Variants in GRM1 observed in about 807,000 individuals in gnomAD.
GRM1 encodes the protein glutamate metabotropic receptor 1.
In GRM1, 33 loss-of-function variants were observed where a neutral mutation model predicts 90.9. The observed-to-expected ratio is 0.36, with a 90% CI of 0.28 to 0.49. The LOEUF is 0.49. Ranked by LOEUF, GRM1 falls within the 20% of genes least tolerant of loss-of-function variation. GRM1 has a pLI of 0.99. For synonymous variants in GRM1, 700 were observed against 613.2 expected, an observed-to-expected ratio of 1.14 and a Z score of -2.09; for missense variants, 1,190 against 1,534.3, an observed-to-expected ratio of 0.78 and a Z score of 3.75.
chr6:146,367,419 T>C (rs527743524), intron 5 of GRM1, among the ~76,000 whole-genome samples: 54 of 152,266 alleles, frequency 3.5e-4, no homozygotes, highest in African/African-American at 1.3e-3. Flanking sequence ...AGGATTTTTT[T>C]TTCTATTTTT....
Position 146,304,743 on chromosome 6 carries a change from T to G in GRM1, c.1083T>G (p.Thr361=), listed in dbSNP as rs903094221. Residue 361 remains threonine (T), a synonymous_variant, in exon 3 of 8, where the codon ACT becomes ACG. Coordinates refer to ENST00000282753, the MANE Select transcript of GRM1 (RefSeq NM_001278064.2). ...ATTTCCTGAAACTGAGGCTGGACAC[T>G]AACACGAGGAATCCCTGGTTCCCTG... The part of the protein sequence containing the change: ...DDYFLKLRLD[T]NTRNPWFPEF... 4.3e-6 allele frequency: 7 copies of G among 1,613,842 alleles called. No individual in the cohort carries two copies. Among genetic ancestry groups the G allele is most frequent in the Non-Finnish European group, 5.9e-6 (7 of 1,179,934 alleles).
At chr6:146,251,066 T>A (rs981542785) in intron 2 of GRM1, among the ~76,000 whole-genome samples, 1 of 152,220 alleles carries the variant, frequency 6.6e-6, no homozygotes, top group African/African-American at 2.4e-5. Flanking sequence ...ATTTTCAGGC[T>A]TACACATAAG....
At chr6:146,352,571 T>C (rs1189246459) in intron 4 of GRM1, 75 bp downstream of exon 4, 11 of 1,460,158 alleles carry the variant, frequency 7.5e-6, no homozygotes, top group Non-Finnish European at 9.6e-6. Flanking sequence ...TGTGGCTTCA[T>C]CTGGTTCCAT....
chr6:146,136,204 CA>C (rs756416331), intron 1 of GRM1, among the ~76,000 whole-genome samples: 2 of 152,180 alleles, frequency 1.3e-5, no homozygotes, highest in Non-Finnish European at 2.9e-5. Flanking sequence ...GGATTGCTTG[CA>C]AATCTTAGTC....
intron 3 of GRM1, among the ~76,000 whole-genome samples, chr6:146,350,524 T>C (rs1397196839): frequency 1.3e-5 from 2 of 152,098 alleles, no homozygotes; most frequent in Non-Finnish European, 2.9e-5. Context: ...CTTTAATATT[T>C]AGCATTTGGG....
At position 146,219,225 on chromosome 6, in the gene GRM1, A is replaced by C. The variant is rs576204004; in HGVS notation, c.950+59628A>C. On this transcript the variant is annotated intron_variant, in intron 2 of 7. Transcript: ENST00000282753. ...AAAGTAGAGAGCATTTTATTAACTA[A>C]GTTTCTGCCCATGGGAATATTTTAA... Among the ~76,000 whole-genome samples the C allele has an allele frequency of 6.6e-5, 10 of 152,306 alleles. No individual in the cohort carries two copies. The Middle Eastern group carries it at 0.017, about 259-fold the overall frequency.
chr6:146,188,102 C>T (rs1472257605), intron 2 of GRM1, among the ~76,000 whole-genome samples: 1 of 152,094 alleles, frequency 6.6e-6, no homozygotes, highest in African/African-American at 2.4e-5. Flanking sequence ...TTTTCTCTTA[C>T]AGCTACCATA....
At chr6:146,183,379 A>G (rs1778616822) in intron 2 of GRM1, among the ~76,000 whole-genome samples, 1 of 152,172 alleles carries the variant, frequency 6.6e-6, no homozygotes, top group Non-Finnish European at 1.5e-5. Context: ...TAATTCTCCT[A>G]TTATTTAACA....
chr6:146,250,053 C>A (rs1781216584), intron 2 of GRM1, among the ~76,000 whole-genome samples: 1 of 152,186 alleles, frequency 6.6e-6, no homozygotes, highest in African/African-American at 2.4e-5. Flanking sequence ...GGAATGGGAA[C>A]ATTTACCCAA....
rs2114582532 is a variant in GRM1, at chr6:146,399,157, G to A, written c.2118G>A (p.Gln706=). The A allele has an allele frequency of 6.2e-7, 1 of 1,614,100 alleles. No homozygotes were observed. The highest frequency in any genetic ancestry group is 8.5e-7 in the Non-Finnish European group (1 of 1,180,024). ...RKPRFMSAWA[Q]VIIASILISV... is the part of the protein sequence containing the mutation. ...CCAGGTTCATGAGTGCCTGGGCTCA[G>A]GTGATCATTGCCTCAATTCTGATTA... Residue 706 remains glutamine, a synonymous_variant, in exon 7 of 8, where the codon CAG becomes CAA. Transcript: ENST00000282753. This position sits in a 1 kb window ranked among gnomAD's most constrained non-coding sequence, Gnocchi z 5.4.
chr6:146,036,599 T>G (rs1790899773), intron 1 of GRM1, among the ~76,000 whole-genome samples: 1 of 152,004 alleles, frequency 6.6e-6, no homozygotes, highest in Non-Finnish European at 1.5e-5. Flanking sequence ...CTCTTAAACT[T>G]AAGGCATTGT....
chr6:146,166,570 G>T (rs1777912055), intron 2 of GRM1, among the ~76,000 whole-genome samples: 1 of 152,100 alleles, frequency 6.6e-6, no homozygotes, highest in South Asian at 2.1e-4. Flanking sequence ...TTTATTTCCT[G>T]TGTTGGTGTC....
At chr6:146,226,875 A>G (rs1780258534) in intron 2 of GRM1, among the ~76,000 whole-genome samples, 1 of 152,132 alleles carries the variant, frequency 6.6e-6, no homozygotes, top group Non-Finnish European at 1.5e-5. Context: ...CTGCCACAGT[A>G]TCTGTTACTG....
chr6:146,121,117 C>T (rs1373689025), intron 1 of GRM1, among the ~76,000 whole-genome samples: 2 of 152,074 alleles, frequency 1.3e-5, no homozygotes, highest in African/African-American at 2.4e-5. Flanking sequence ...ATTTCAGAGC[C>T]TCTTATTGGT....
intron 1 of GRM1, among the ~76,000 whole-genome samples, chr6:146,142,618 C>A (rs116852375): frequency 0.022 from 3,340 of 151,916 alleles, 67 homozygotes; most frequent in Middle Eastern, 0.037. Context: ...AAGACAAAGT[C>A]TTTCCCACCC....
intron 2 of GRM1, among the ~76,000 whole-genome samples, chr6:146,230,433 C>G (rs767893883): frequency 6.6e-6 from 1 of 151,996 alleles, no homozygotes; most frequent in Non-Finnish European, 1.5e-5. Context: ...CACATTTCAT[C>G]AAAGAAATAC....
chr6:146,080,053 C>T (rs992594124), intron 1 of GRM1, among the ~76,000 whole-genome samples: 2 of 152,164 alleles, frequency 1.3e-5, no homozygotes, highest in African/African-American at 2.4e-5. Flanking sequence ...GGCAGATTGT[C>T]ACCAATAAAG....
intron 2 of GRM1, among the ~76,000 whole-genome samples, chr6:146,241,016 T>A (rs1780838491): frequency 6.6e-6 from 1 of 151,966 alleles, no homozygotes; most frequent in Non-Finnish European, 1.5e-5. Flanking sequence ...GCCTGCAGGG[T>A]CTACTTGCCA....
intron 1 of GRM1, among the ~76,000 whole-genome samples, chr6:146,110,023 A>G (rs1775495434): frequency 6.6e-6 from 1 of 152,168 alleles, no homozygotes; most frequent in Non-Finnish European, 1.5e-5. Context: ...TTATAGGCTC[A>G]CAGGCAGAAG....
Sources: allele counts gnomAD v4.1 joint callset (sites outside exome capture counted in the v4.1 genomes callset), GRCh38; gene constraint gnomAD v4.1.1; non-coding constraint Gnocchi (gnomAD v3.1); transcripts MANE v1.5; gene names NCBI Gene and HGNC (gene_info 2026-07-23, HGNC 2026-07-21).